DTD1: variants seen among roughly 807,000 people sequenced by gnomAD.
DTD1 encodes D-aminoacyl-tRNA deacylase 1.
In DTD1, 13 loss-of-function variants were observed where a neutral mutation model predicts 25.6. The observed-to-expected ratio is 0.51, with a 90% confidence interval of 0.33 to 0.81. DTD1 has a LOEUF of 0.81. Ranked by LOEUF, DTD1 falls within the 30% of genes least tolerant of loss-of-function variation. The probability of loss-of-function intolerance (pLI) is 0.02; values close to 1 mark genes in which losing one functional copy is unlikely to be tolerated. For synonymous variants in DTD1, 110 were observed against 103.6 expected (o/e 1.06, Z -0.37); for missense variants, 193 against 266.4 (o/e 0.72, Z 1.92).
chr20:18,744,394 T>C, intron 5 of DTD1, 123 bp downstream of exon 5: 1 of 1,062,870 alleles, frequency 9.4e-7, no homozygotes, highest in Non-Finnish European at 1.3e-6. Context: ...CTTCCTTAAA[T>C]CTGCTGCCTT....
At chr20:18,645,837 A>G (rs2060848228) in intron 4 of DTD1, among the ~76,000 whole-genome samples, 2 of 152,226 alleles carry the variant, frequency 1.3e-5, no homozygotes, top group African/African-American at 4.8e-5. Flanking sequence ...TTTAAGGACT[A>G]TATATTTAAA....
intron 3 of DTD1, among the ~76,000 whole-genome samples, chr20:18,601,644 G>A (rs1344685170): frequency 2.0e-5 from 3 of 151,726 alleles, no homozygotes; most frequent in Non-Finnish European, 2.9e-5. Flanking sequence ...TAACTGGGAG[G>A]CACCCCCCAG....
intron 3 of DTD1, among the ~76,000 whole-genome samples, chr20:18,614,939 A>C: frequency 1.4e-5 from 2 of 145,414 alleles, no homozygotes; most frequent in African/African-American, 2.6e-5. Flanking sequence ...TCCTCCCCCT[A>C]CTCCTCCCAA....
At chr20:18,679,363 CT>C (rs1172217318) in intron 4 of DTD1, among the ~76,000 whole-genome samples, 1 of 152,164 alleles carries the variant, frequency 6.6e-6, no homozygotes, top group African/African-American at 2.4e-5. Flanking sequence ...TTATTATAGT[CT>C]GAGGTTTACA....
At chr20:18,753,994 C>T (rs928997384) in intron 5 of DTD1, among the ~76,000 whole-genome samples, 8 of 152,152 alleles carry the variant, frequency 5.3e-5, no homozygotes, top group African/African-American at 1.9e-4. Context: ...CATAGAACAG[C>T]CTTACCTTTC....
intron 5 of DTD1, among the ~76,000 whole-genome samples, chr20:18,757,606 G>A (rs1255302660): frequency 8.5e-5 from 13 of 152,276 alleles, no homozygotes; most frequent in South Asian, 8.3e-4. Context: ...CCAGCCTTGC[G>A]TCCCAGGGAT....
intron 3 of DTD1, among the ~76,000 whole-genome samples, chr20:18,605,046 T>C (rs1436625777): frequency 3.2e-5 from 1 of 31,404 alleles, no homozygotes; most frequent in African/African-American, 6.8e-5. Context: ...CAGCCCAAAA[T>C]CTCCTTAAGC....
chr20:18,712,762 A>G (rs1347436047), intron 4 of DTD1, among the ~76,000 whole-genome samples: 1 of 152,228 alleles, frequency 6.6e-6, no homozygotes, highest in East Asian at 1.9e-4. Flanking sequence ...TGCTCTAAGC[A>G]TAGAACAATC....
chr20:18,679,329 G>A (rs1479989678), intron 4 of DTD1, among the ~76,000 whole-genome samples: 5 of 152,112 alleles, frequency 3.3e-5, no homozygotes, highest in African/African-American at 7.2e-5. Context: ...CTCATAAAGC[G>A]CATGAACCTT....
chr20:18,626,700 A>G lies in DTD1; in HGVS notation c.371-1427A>G, dbSNP rs1304123670. The stretch of plus-strand genomic sequence containing the variant: ...TTACCATTTTAAGATCTCTTAAAAC[A>G]TGTCTTTGGATTTATCATCTGTACG... On this transcript the variant is annotated intron_variant, in intron 3 of 5. Coordinates refer to ENST00000377452, the MANE Select transcript of DTD1 (RefSeq NM_080820.6). Among the ~76,000 whole-genome samples, 8 of 152,222 alleles carry G rather than the reference A, an allele frequency of 5.3e-5. No homozygotes were observed. In the East Asian group the frequency reaches 5.8e-4, roughly 11 times the overall value.
intron 4 of DTD1, among the ~76,000 whole-genome samples, chr20:18,741,685 T>C (rs189324030): frequency 6.6e-6 from 1 of 152,242 alleles, no homozygotes; most frequent in East Asian, 1.9e-4. Context: ...TAAATTTGTT[T>C]TGTATAACAT....
intron 4 of DTD1, among the ~76,000 whole-genome samples, chr20:18,730,614 GA>G (rs762530608): frequency 1.1e-4 from 17 of 152,122 alleles, no homozygotes; most frequent in Non-Finnish European, 2.2e-4. Context: ...TTTTTAAATT[GA>G]TTGTGAATCT....
intron 3 of DTD1, among the ~76,000 whole-genome samples, chr20:18,625,717 C>T (rs1339550547): frequency 6.6e-6 from 1 of 152,238 alleles, no homozygotes; most frequent in Non-Finnish European, 1.5e-5. Flanking sequence ...GCCTGTAACC[C>T]ACTGTTGGGG....
At chr20:18,655,962 G>C (rs200141962) in intron 4 of DTD1, among the ~76,000 whole-genome samples, 2 of 151,958 alleles carry the variant, frequency 1.3e-5, no homozygotes, top group East Asian at 3.9e-4. Context: ...GTAGAGACGG[G>C]GTTTCACCAT....
chr20:18,707,462 T>C (rs1332797142), intron 4 of DTD1, among the ~76,000 whole-genome samples: 2 of 152,148 alleles, frequency 1.3e-5, no homozygotes, highest in South Asian at 2.1e-4. Context: ...TTACCCAATA[T>C]ACCAAACTGT....
chr20:18,626,598 TA>T (rs1387407030), intron 3 of DTD1, among the ~76,000 whole-genome samples: 2 of 152,204 alleles, frequency 1.3e-5, no homozygotes, highest in East Asian at 1.9e-4. Flanking sequence ...GTGTTTTTTT[TA>T]AAATGTGTTT....
intron 4 of DTD1, among the ~76,000 whole-genome samples, chr20:18,739,856 C>A (rs545582518): frequency 1.3e-5 from 2 of 152,190 alleles, no homozygotes; most frequent in Non-Finnish European, 2.9e-5. Context: ...GGTTAGTTCA[C>A]AATGTTCTCA....
intron 4 of DTD1, among the ~76,000 whole-genome samples, chr20:18,708,219 A>ATATATATTATATATATAT (rs2061136215): frequency 2.5e-5 from 1 of 40,704 alleles, no homozygotes; most frequent in African/African-American, 9.7e-5. Context: ...TATATATATA[A>ATATATATTATATATATAT]TATATATATA....
chr20:18,618,602 CAT>C (rs1378229500), intron 3 of DTD1, among the ~76,000 whole-genome samples: 5 of 146,092 alleles, frequency 3.4e-5, no homozygotes, highest in Admixed American at 6.9e-5. Flanking sequence ...TATATACATA[CAT>C]ATGTGTGTGT....
Sources: allele counts gnomAD v4.1 joint callset (sites outside exome capture counted in the v4.1 genomes callset), GRCh38; gene constraint gnomAD v4.1.1; transcripts MANE v1.5; gene names NCBI Gene and HGNC (gene_info 2026-07-23, HGNC 2026-07-21).